The following SEMA6D variants were observed in gnomAD, a reference collection of about 807,000 sequenced individuals.
SEMA6D encodes the protein semaphorin-6D.
In SEMA6D, 35 loss-of-function variants were observed where a neutral mutation model predicts 106.6. That is an observed-to-expected ratio of 0.33 (90% CI 0.25 to 0.44). The LOEUF is 0.44. Ranked by LOEUF, SEMA6D falls within the 20% of genes least tolerant of loss-of-function variation. SEMA6D has a pLI of 1.00. For synonymous variants in SEMA6D, 499 were observed against 487.7 expected (o/e 1.02, Z -0.31); for missense variants, 1,185 against 1,345.9 (o/e 0.88, Z 1.87).
intron 1 of SEMA6D, among the ~76,000 whole-genome samples, chr15:47,345,036 T>C (rs1227809468): frequency 6.6e-6 from 1 of 152,150 alleles, no homozygotes; most frequent in Non-Finnish European, 1.5e-5. Context: ...TTCAGTTGGC[T>C]GATAAAAACT....
At position 47,482,986 on chromosome 15, in the gene SEMA6D, C is replaced by T. The variant is rs114929340; in HGVS notation, c.-87+12441C>T. On this transcript the variant is annotated intron_variant, in intron 3 of 19. Transcript: ENST00000558014. ...AAAAAAGTAGATATAGATACTTGCT[C>T]TTGTTGGTGCGTGAATTCTAACAAT... Among the ~76,000 whole-genome samples, 657 of 152,208 alleles carry T rather than the reference C, an allele frequency of 4.3e-3. 5 individuals are homozygous for T. Among genetic ancestry groups the T allele is most frequent in the African/African-American group, 0.015 (632 of 41,544 alleles).
At position 47,757,920 on chromosome 15, in the gene SEMA6D, C is replaced by T. The variant is rs142001738; in HGVS notation, c.-54-1825C>T. Among the ~76,000 whole-genome samples the T allele has an allele frequency of 1.5e-4, 23 of 152,180 alleles. 1 individual carries two copies. The East Asian group carries it at 4.2e-3, about 28-fold the overall frequency. ...TTCGCTCTGAGAAGGTGCTATTATCCATATTTTACAGATAAAGAAACTAAT... is the reference window on the plus strand; with the variant it reads ...TTCGCTCTGAGAAGGTGCTATTATCTATATTTTACAGATAAAGAAACTAAT... On this transcript the variant is annotated intron_variant, in intron 1 of 18. Coordinates refer to ENST00000536845, the MANE Select transcript of SEMA6D (RefSeq NM_001358351.3).
intron 2 of SEMA6D, among the ~76,000 whole-genome samples, chr15:47,440,216 G>A (rs1449387403): frequency 2.0e-5 from 3 of 152,074 alleles, no homozygotes; most frequent in Admixed American, 6.6e-5. Flanking sequence ...CAGGGACTTG[G>A]CAGAATGAAG....
At chr15:47,377,008 TGCCA>T (rs1358857143) in intron 1 of SEMA6D, among the ~76,000 whole-genome samples, 2 of 152,210 alleles carry the variant, frequency 1.3e-5, no homozygotes, top group Non-Finnish European at 2.9e-5. Flanking sequence ...TATAATTACT[TGCCA>T]GGCAGCCCCT....
chr15:47,440,842 CAA>C (rs1460164260), intron 2 of SEMA6D, among the ~76,000 whole-genome samples: 1 of 151,978 alleles, frequency 6.6e-6, no homozygotes, highest in Non-Finnish European at 1.5e-5. Context: ...AGAAAGGAAA[CAA>C]GAAAATGAGA....
At chr15:47,641,029 C>G (rs1221309149) in intron 4 of SEMA6D, among the ~76,000 whole-genome samples, 1 of 152,136 alleles carries the variant, frequency 6.6e-6, no homozygotes, top group Non-Finnish European at 1.5e-5. Context: ...AACCTGGTCC[C>G]CAGTGGTCGT....
chr15:47,552,792 T>TA lies in SEMA6D; in HGVS notation c.-86-48073_-86-48072insA, dbSNP rs1555389579. On this transcript the variant is annotated intron_variant, in intron 3 of 19. Coordinates refer to the SEMA6D transcript ENST00000558014. ...AGTGACAACCTGTTTATATATATTTTTATATATATATAAAAATATATATAA... is the reference window on the plus strand; with the variant it reads ...AGTGACAACCTGTTTATATATATTTTATATATATATATAAAAATATATATAA... Among the ~76,000 whole-genome samples the TA allele has an allele frequency of 3.2e-3, 199 of 62,104 alleles. 14 individuals carry two copies. The highest frequency in any genetic ancestry group is 0.011 in the African/African-American group (147 of 13,504). The allele number at this position is 62,104 out of a possible 152,430, so 40.7% of individuals were successfully genotyped here.
At chr15:47,552,500 ATATG>A (rs2045730391) in intron 3 of SEMA6D, among the ~76,000 whole-genome samples, 1 of 126,228 alleles carries the variant, frequency 7.9e-6, no homozygotes, top group Admixed American at 9.2e-5. Context: ...GTGTGTATAT[ATATG>A]TGTGTGTGTA....
intron 1 of SEMA6D, among the ~76,000 whole-genome samples, chr15:47,318,861 T>C (rs992665057): frequency 1.3e-5 from 2 of 150,646 alleles, no homozygotes; most frequent in African/African-American, 4.9e-5. Flanking sequence ...CCACAATGGT[T>C]GAACTAGTTT....
chr15:47,389,003 G>C (rs2039938728), intron 1 of SEMA6D, among the ~76,000 whole-genome samples: 1 of 149,736 alleles, frequency 6.7e-6, no homozygotes, highest in Non-Finnish European at 1.5e-5. Context: ...GGATTATTTG[G>C]TGCAAAAGTA....
At chr15:47,340,441 C>A (rs1259336703) in intron 1 of SEMA6D, among the ~76,000 whole-genome samples, 1 of 152,096 alleles carries the variant, frequency 6.6e-6, no homozygotes, top group East Asian at 1.9e-4. Flanking sequence ...AACAGGGAAC[C>A]CTCCAGCCTT....
At chr15:47,217,994 A>T (rs1007341524) in intron 1 of SEMA6D, among the ~76,000 whole-genome samples, 1 of 151,800 alleles carries the variant, frequency 6.6e-6, no homozygotes, top group African/African-American at 2.4e-5. Flanking sequence ...ATTAGTGGAA[A>T]TTTTGTTTTC....
intron 2 of SEMA6D, among the ~76,000 whole-genome samples, chr15:47,459,003 G>A (rs975971949): frequency 2.6e-5 from 4 of 152,024 alleles, no homozygotes; most frequent in African/African-American, 7.2e-5. Context: ...GAGCGTGAAT[G>A]GGACCTGTGA....
chr15:47,300,860 G>A (rs1200880747), intron 1 of SEMA6D, among the ~76,000 whole-genome samples: 1 of 152,208 alleles, frequency 6.6e-6, no homozygotes, highest in Non-Finnish European at 1.5e-5. Context: ...CCATGATGCT[G>A]CATCTTAAAT....
chr15:47,687,057 C>A (rs2078484849), intron 4 of SEMA6D, among the ~76,000 whole-genome samples: 2 of 129,704 alleles, frequency 1.5e-5, no homozygotes, highest in Non-Finnish European at 1.7e-5. Flanking sequence ...CACAGCAAGA[C>A]CCTGTATCCA....
At chr15:47,455,734 G>T (rs2042327045) in intron 2 of SEMA6D, among the ~76,000 whole-genome samples, 1 of 151,912 alleles carries the variant, frequency 6.6e-6, no homozygotes, top group African/African-American at 2.4e-5. Context: ...GAATTATGAA[G>T]ATGAGAAAGA....
At chr15:47,535,265 A>T (rs927983340) in intron 3 of SEMA6D, among the ~76,000 whole-genome samples, 1 of 152,146 alleles carries the variant, frequency 6.6e-6, no homozygotes, top group African/African-American at 2.4e-5. Context: ...TACATGTGTT[A>T]CTTGTTAAAT....
At chr15:47,301,015 A>T (rs1435741417) in intron 1 of SEMA6D, among the ~76,000 whole-genome samples, 1 of 152,240 alleles carries the variant, frequency 6.6e-6, no homozygotes, top group Non-Finnish European at 1.5e-5. Context: ...GAAAAATTAT[A>T]TCTTGAGATA....
intron 4 of SEMA6D, among the ~76,000 whole-genome samples, chr15:47,705,684 C>G (rs949951291): frequency 4.6e-5 from 7 of 152,216 alleles, no homozygotes; most frequent in African/African-American, 1.7e-4. Flanking sequence ...CCCAATTCTT[C>G]TGAAGTACAG....
Sources: gnomAD v4.1 joint callset for allele counts (sites outside exome capture counted in the v4.1 genomes callset) on GRCh38, gnomAD v4.1.1 for gene constraint, MANE v1.5 for transcripts, NCBI Gene and HGNC (gene_info 2026-07-23, HGNC 2026-07-21) for gene names.